Variants in STOX2 observed in about 807,000 individuals in gnomAD.
STOX2 encodes the protein storkhead box 2, also known as storkhead-box protein 2.
Under a neutral mutation model 60.9 loss-of-function variants are expected in STOX2, and 28 were observed. The ratio of observed to expected loss-of-function variants is 0.46; its 90% CI spans 0.34 to 0.63. STOX2 has a LOEUF of 0.63. Ranked by LOEUF, STOX2 falls within the 30% of genes least tolerant of loss-of-function variation. The pLI is 0.01. For synonymous variants in STOX2, 472 were observed against 463.9 expected, an observed-to-expected ratio of 1.02 and a Z score of -0.22; for missense variants, 1,024 against 1,187.7, an observed-to-expected ratio of 0.86 and a Z score of 2.03.
intron 1 of STOX2, among the ~76,000 whole-genome samples, chr4:183,860,883 G>A (rs1740424761): frequency 6.6e-6 from 1 of 152,180 alleles, no homozygotes; most frequent in South Asian, 2.1e-4. Context: ...GTGGAAGACA[G>A]CCTTTCCCAC....
chr4:183,891,980 C>T (rs1741225245), intron 1 of STOX2, among the ~76,000 whole-genome samples: 1 of 152,140 alleles, frequency 6.6e-6, no homozygotes, highest in Admixed American at 6.5e-5. Flanking sequence ...CTGAGAAGAG[C>T]GTCAATAGGA....
Position 184,010,920 on chromosome 4 carries a change from G to A in STOX2, c.2082G>A (p.Arg694=), listed in dbSNP as rs1031503391. The change falls in exon 3 of 4, where the codon AGG becomes AGA. Residue 694 remains arginine (R), a synonymous_variant. Coordinates refer to ENST00000308497, the MANE Select transcript of STOX2 (RefSeq NM_020225.3). This position sits in a 1 kb window ranked among gnomAD's most constrained non-coding sequence, Gnocchi z 4.5. The part of the protein sequence containing the change: ...HGAEPSSLDK[R]KEIFSKDTLF... ...CCGAGCCCAGCAGCTTGGACAAGAG[G>A]AAAGAGATATTTAGCAAAGACACAC... is the stretch of plus-strand genomic sequence containing the variant. The A allele has an allele frequency of 1.4e-5, 23 of 1,613,426 alleles. No individual in the cohort carries two copies. Among genetic ancestry groups the A allele is most frequent in the South Asian group, 2.2e-5 (2 of 90,976 alleles).
At chr4:183,970,209 AGGTTG>A in intron 1 of STOX2, among the ~76,000 whole-genome samples, 1 of 143,114 alleles carries the variant, frequency 7.0e-6, no homozygotes, top group East Asian at 2.1e-4. Flanking sequence ...TTCTGTCCCG[AGGTTG>A]AGTTAGAAAT....
rs539953793 is a variant in STOX2 at position 183,953,227 on chromosome 4, C to G, written c.166+46271C>G. Among the ~76,000 whole-genome samples, 5 of 152,166 alleles carry G rather than the reference C, an allele frequency of 3.3e-5. No individual in the cohort carries two copies. The East Asian group carries it at 9.6e-4, about 29-fold the overall frequency. ...TGTGGTGTTTCCCAGATGGATTTTA[C>G]CACAAAACTTTTTTTTTAAAGAAGT... On this transcript the variant is annotated intron_variant, in intron 1 of 3. Transcript: ENST00000308497.
chr4:183,869,039 G>A (rs1290074407), intron 1 of STOX2, among the ~76,000 whole-genome samples: 2 of 152,212 alleles, frequency 1.3e-5, no homozygotes, highest in East Asian at 3.8e-4. Context: ...AGCTCTGGGA[G>A]ATTCAGATTA....
At position 183,970,660 on chromosome 4, in the gene STOX2, A is replaced by G. The variant is rs138420685; in HGVS notation, c.167-30665A>G. On this transcript the variant is annotated intron_variant, in intron 1 of 3. Transcript: ENST00000308497. ...CATCTCCATGGAGCACTTTGGGCTGAGCCACCTTCTTCTCTGTCCCCACTG... is the reference window on the plus strand; with the variant it reads ...CATCTCCATGGAGCACTTTGGGCTGGGCCACCTTCTTCTCTGTCCCCACTG... Among the ~76,000 whole-genome samples the G allele has an allele frequency of 1.1e-3, 174 of 152,346 alleles. 1 individual carries two copies. The highest frequency in any genetic ancestry group is 2.5e-3 in the South Asian group (12 of 4,828).
chr4:183,891,101 C>A (rs1741197734), intron 1 of STOX2, among the ~76,000 whole-genome samples: 1 of 151,988 alleles, frequency 6.6e-6, no homozygotes, highest in African/African-American at 2.4e-5. Flanking sequence ...CAGAGCAAGA[C>A]CCTGTCTCTG....
intron 1 of STOX2, among the ~76,000 whole-genome samples, chr4:183,815,118 G>A (rs1181133370): frequency 1.3e-5 from 2 of 151,870 alleles, no homozygotes; most frequent in East Asian, 1.9e-4. Flanking sequence ...TCAGCCTCCC[G>A]AGTGGCTGGG....
intron 1 of STOX2, among the ~76,000 whole-genome samples, chr4:183,835,977 A>G (rs530537271): frequency 6.6e-6 from 1 of 151,696 alleles, no homozygotes; most frequent in African/African-American, 2.4e-5. Flanking sequence ...TTACAATCTC[A>G]CCAGCATTGT....
intron 1 of STOX2, among the ~76,000 whole-genome samples, chr4:183,863,148 C>T (rs143428633): frequency 4.5e-4 from 68 of 152,258 alleles, no homozygotes; most frequent in African/African-American, 1.4e-3. Context: ...ATGAAAGAAG[C>T]GGTCCTGGGT....
intron 1 of STOX2, among the ~76,000 whole-genome samples, chr4:183,895,932 A>G (rs1035677341): frequency 6.6e-6 from 1 of 152,332 alleles, no homozygotes; most frequent in East Asian, 1.9e-4. Flanking sequence ...GAGGGCAAAG[A>G]TAAGGAGAAG....
rs530113321 is a variant in STOX2, at chr4:183,895,888, C to T, written c.364+97833C>T. ...AGGAAGGGCACTGTTGTTATATAAACAGGACAAGGGCCTCTAAATCTGCAG... is the reference window on the plus strand; with the variant it reads ...AGGAAGGGCACTGTTGTTATATAAATAGGACAAGGGCCTCTAAATCTGCAG... On this transcript the variant is annotated intron_variant, in intron 1 of 2. Coordinates refer to the STOX2 transcript ENST00000513034. Among the ~76,000 whole-genome samples, 11 of 152,210 alleles carry T rather than the reference C, an allele frequency of 7.2e-5. No individual in the cohort carries two copies. In the South Asian group the frequency reaches 2.1e-3, roughly 29 times the overall value.
At chr4:183,898,616 G>A (rs568893993) in intron 1 of STOX2, among the ~76,000 whole-genome samples, 1 of 152,308 alleles carries the variant, frequency 6.6e-6, no homozygotes, top group African/African-American at 2.4e-5. Context: ...AATTCTGAAT[G>A]CCAAGAAGGG....
At chr4:183,801,628 G>A (rs973548395) in intron 1 of STOX2, among the ~76,000 whole-genome samples, 7 of 152,206 alleles carry the variant, frequency 4.6e-5, no homozygotes, top group African/African-American at 1.4e-4. Flanking sequence ...TGGAGATGGG[G>A]GTGGGGCGGG....
At chr4:183,818,329 TTAACAAAG>T (rs2111107473) in intron 1 of STOX2, among the ~76,000 whole-genome samples, 1 of 152,196 alleles carries the variant, frequency 6.6e-6, no homozygotes, top group South Asian at 2.1e-4. Context: ...AAGCATCTGT[TTAACAAAG>T]CACATCTTGC....
chr4:183,850,154 G>A (rs953490608), intron 1 of STOX2, among the ~76,000 whole-genome samples: 1 of 151,706 alleles, frequency 6.6e-6, no homozygotes, highest in Non-Finnish European at 1.5e-5. Flanking sequence ...TATATTTTTA[G>A]TAGAGACGAG....
At chr4:183,996,293 A>C (rs909502671) in intron 1 of STOX2, among the ~76,000 whole-genome samples, 20 of 152,242 alleles carry the variant, frequency 1.3e-4, no homozygotes, top group African/African-American at 4.8e-4. Context: ...GCAGTTTAGA[A>C]AGAATTTTTT....
chr4:183,882,706 A>C (rs931782315), intron 1 of STOX2, among the ~76,000 whole-genome samples: 3 of 152,214 alleles, frequency 2.0e-5, no homozygotes, highest in African/African-American at 7.2e-5. Context: ...ATTTCATTGA[A>C]TCTTATAGCT....
At chr4:183,976,470 A>G (rs1579494255) in intron 1 of STOX2, among the ~76,000 whole-genome samples, 1 of 151,670 alleles carries the variant, frequency 6.6e-6, no homozygotes, top group Non-Finnish European at 1.5e-5. Flanking sequence ...TCTATGTAGG[A>G]TTAAAAGGAA....
Sources: allele counts gnomAD v4.1 joint callset (sites outside exome capture counted in the v4.1 genomes callset), GRCh38; gene constraint gnomAD v4.1.1; non-coding constraint Gnocchi (gnomAD v3.1); transcripts MANE v1.5; gene names NCBI Gene and HGNC (gene_info 2026-07-23, HGNC 2026-07-21).